VDR: variants seen among roughly 807,000 people sequenced by gnomAD.
The protein encoded by VDR is vitamin D3 receptor.
A neutral mutation model predicts 39.7 loss-of-function variants in VDR; 19 were observed. The observed-to-expected ratio is 0.48, with a 90% confidence interval of 0.33 to 0.70. The LOEUF (loss-of-function observed/expected upper bound fraction) is 0.70, where lower values mean the gene tolerates loss of function less well. Among genes scored for constraint, VDR ranks in the 30% least tolerant of loss-of-function variants. The probability of loss-of-function intolerance (pLI) is 0.02; values close to 1 mark genes in which losing one functional copy is unlikely to be tolerated. For synonymous variants in VDR, 242 were observed against 215.8 expected (o/e 1.12, Z -1.07); for missense variants, 442 against 570.5 (o/e 0.77, Z 2.29).
chr12:47,898,959 T>C (rs1451741994), intron 1 of VDR, among the ~76,000 whole-genome samples: 3 of 152,204 alleles, frequency 2.0e-5, no homozygotes, highest in African/African-American at 7.2e-5. Context: ...GTGCTGTGAA[T>C]GCTCCACTCT....
At chr12:47,870,115 G>A (rs977014656) in intron 3 of VDR, among the ~76,000 whole-genome samples, 1 of 152,166 alleles carries the variant, frequency 6.6e-6, no homozygotes, top group Non-Finnish European at 1.5e-5. Context: ...TCCCAGAGCT[G>A]GCCTTTCAGG....
rs1200631492 is a variant in VDR, at chr12:47,842,458, G to T, written c.*2288C>A. 1 of 152,240 alleles carries T rather than the reference G, an allele frequency of 6.6e-6. No individual in the cohort carries two copies. The highest frequency in any genetic ancestry group is 6.5e-5 in the Admixed American group (1 of 15,270). The allele number at this position is 152,240 out of a possible 1,614,324, so 9.4% of individuals were successfully genotyped here. The stretch of plus-strand genomic sequence containing the variant: ...CACCGGACCATGACTCCAAAATCTG[G>T]TCCTGTCCTGGTCCACTTCTAAGAC... On this transcript the variant is annotated 3_prime_UTR_variant, in exon 10 of 10. Coordinates refer to ENST00000549336, the MANE Select transcript of VDR (RefSeq NM_000376.3).
chr12:47,894,299 C>A (rs1946424567), intron 1 of VDR, among the ~76,000 whole-genome samples: 1 of 152,240 alleles, frequency 6.6e-6, no homozygotes, highest in African/African-American at 2.4e-5. Context: ...TCTGAACCAG[C>A]TGGCAGAAGT....
chr12:47,887,499 G>T (rs959206186), intron 1 of VDR, among the ~76,000 whole-genome samples: 1 of 152,200 alleles, frequency 6.6e-6, no homozygotes, highest in Non-Finnish European at 1.5e-5. Flanking sequence ...GAGTGAAGTT[G>T]CAGGGGAGAA....
At chr12:47,869,499 A>G (rs1352722837) in intron 3 of VDR, among the ~76,000 whole-genome samples, 13 of 138,804 alleles carry the variant, frequency 9.4e-5, no homozygotes, top group African/African-American at 1.3e-4. Context: ...TCGTGCCACT[A>G]CACTTCAGCC....
At chr12:47,848,000 C>T (rs1246977421) in intron 7 of VDR, among the ~76,000 whole-genome samples, 3 of 151,392 alleles carry the variant, frequency 2.0e-5, no homozygotes, top group African/African-American at 4.9e-5. Context: ...CCCAGGTTCA[C>T]GCCATTCTCC....
intron 1 of VDR, among the ~76,000 whole-genome samples, chr12:47,894,963 G>A (rs772297263): frequency 2.6e-5 from 4 of 152,242 alleles, no homozygotes; most frequent in Non-Finnish European, 4.4e-5. Flanking sequence ...ATCCTCCGTG[G>A]CTACAACTCT....
At chr12:47,852,920 G>A (rs372591602) in intron 7 of VDR, among the ~76,000 whole-genome samples, 57 of 152,260 alleles carry the variant, frequency 3.7e-4, no homozygotes, top group African/African-American at 1.2e-3. Flanking sequence ...CACTGAATCT[G>A]AGCATTAGTA....
intron 3 of VDR, among the ~76,000 whole-genome samples, chr12:47,870,688 A>G (rs1481697552): frequency 6.6e-6 from 1 of 152,146 alleles, no homozygotes; most frequent in Non-Finnish European, 1.5e-5. Flanking sequence ...GCCAGCAGAG[A>G]CGCACGTTGC....
chr12:47,862,956 T>C (rs1248986886), intron 4 of VDR, among the ~76,000 whole-genome samples: 1 of 152,148 alleles, frequency 6.6e-6, no homozygotes, highest in African/African-American at 2.4e-5. Context: ...CTCCCTGCAC[T>C]GGGATGAGGA....
At chr12:47,854,462 C>T (rs1945444544) in intron 7 of VDR, among the ~76,000 whole-genome samples, 1 of 152,100 alleles carries the variant, frequency 6.6e-6, no homozygotes, top group Non-Finnish European at 1.5e-5. Context: ...GTGAAGGATG[C>T]CAGGGTCATA....
At chr12:47,849,973 G>T (rs1945354339) in intron 7 of VDR, among the ~76,000 whole-genome samples, 2 of 152,004 alleles carry the variant, frequency 1.3e-5, no homozygotes, top group South Asian at 4.2e-4. Flanking sequence ...GTCTCAGCCT[G>T]CGGAGAAGCT....
intron 1 of VDR, among the ~76,000 whole-genome samples, chr12:47,885,139 A>G (rs1195964392): frequency 6.6e-6 from 1 of 152,150 alleles, no homozygotes; most frequent in Admixed American, 6.5e-5. Flanking sequence ...CCGTCCCCAG[A>G]GCAACCCTCT....
Position 47,844,983 on chromosome 12 carries a change from G to C in VDR, c.1047C>G (p.Ala349=). Residue 349 remains alanine, a synonymous_variant, in exon 10 of 10, where the codon GCC becomes GCG. Coordinates refer to ENST00000549336, the MANE Select transcript of VDR (RefSeq NM_000376.3). ...VSPDRPGVQD[A]ALIEAIQDRL... ...GGTCCTGGATGGCCTCAATCAGCGC[G>C]GCGTCCTGCACCCCAGGACGATCTG... 6.2e-7 allele frequency: 1 copy of C among 1,613,184 alleles called. No homozygotes were observed. The highest frequency in any genetic ancestry group is 1.3e-5 in the African/African-American group (1 of 74,972).
intron 3 of VDR, 69 bp downstream of exon 3, chr12:47,878,899 C>T: frequency 1.9e-6 from 3 of 1,611,842 alleles, no homozygotes; most frequent in Non-Finnish European, 2.5e-6. Context: ...TGCAAGGGCT[C>T]CCTTCATGGA....
chr12:47,900,030 C>G, intron 1 of VDR: 2 of 830,148 alleles, frequency 2.4e-6, no homozygotes, highest in Non-Finnish European at 2.9e-6. Flanking sequence ...ATGGGACAAT[C>G]AGCACATAGT....
chr12:47,879,224 A>G (rs1388700152), intron 2 of VDR, 109 bp from the exon 3 acceptor site: 1 of 1,181,408 alleles, frequency 8.5e-7, no homozygotes, highest in Non-Finnish European at 1.1e-6. Flanking sequence ...CCCACCCCCC[A>G]CCACCAGGGA....
intron 7 of VDR, among the ~76,000 whole-genome samples, chr12:47,851,695 A>G (rs1276832652): frequency 6.6e-6 from 1 of 152,240 alleles, no homozygotes; most frequent in Non-Finnish European, 1.5e-5. Context: ...CAGGCTCAGC[A>G]TCACCTCTGT....
At chr12:47,865,236 C>A (rs1945706368) in intron 3 of VDR, 59 bp from the exon 4 acceptor site, 3 of 1,598,446 alleles carry the variant, frequency 1.9e-6, no homozygotes, top group African/African-American at 2.7e-5. Context: ...CTCACCCTGT[C>A]ATCACGGAGA....
Sources: allele counts gnomAD v4.1 joint callset (sites outside exome capture counted in the v4.1 genomes callset), GRCh38; gene constraint gnomAD v4.1.1; transcripts MANE v1.5; gene names NCBI Gene and HGNC (gene_info 2026-07-23, HGNC 2026-07-21).